DSE: variants seen among roughly 807,000 people sequenced by gnomAD.
DSE encodes the protein dermatan-sulfate epimerase.
DSE carries 36 observed loss-of-function variants against 84.4 expected under a neutral mutation model. The ratio of observed to expected loss-of-function variants is 0.43; its 90% CI spans 0.33 to 0.56. DSE has a LOEUF of 0.56. DSE is among the 20% of genes least tolerant of loss of function. The pLI is 0.06. For missense variants in DSE, 862 were observed against 1,169.6 expected, an observed-to-expected ratio of 0.74 and a Z score of 3.84; for synonymous variants, 410 against 430.1, an observed-to-expected ratio of 0.95 and a Z score of 0.58.
chr6:116,286,845 A>G (rs9488885), intron 2 of DSE, among the ~76,000 whole-genome samples: 11,301 of 152,186 alleles, frequency 0.074, 768 homozygotes, highest in African/African-American at 0.18. Context: ...TATAAAAGAA[A>G]AAGGAAAAGC....
chr6:116,303,812 C>T (rs549554179), intron 2 of DSE, among the ~76,000 whole-genome samples: 24 of 152,182 alleles, frequency 1.6e-4, no homozygotes, highest in South Asian at 1.2e-3. Flanking sequence ...TGCCTAGGGA[C>T]AGAAACAAAG....
At chr6:116,409,968 G>A (rs1240062141) in intron 2 of DSE, among the ~76,000 whole-genome samples, 1 of 152,166 alleles carries the variant, frequency 6.6e-6, no homozygotes, top group East Asian at 1.9e-4. Flanking sequence ...TGAAAATTTA[G>A]TGTAGGGAGG....
At chr6:116,375,379 C>A (rs1779862827) in intron 1 of DSE, 1 of 184,070 alleles carries the variant, frequency 5.4e-6, no homozygotes, top group Admixed American at 6.5e-5. Context: ...AAAGAAAAAT[C>A]TTTCTTCCTA....
At chr6:116,375,899 A>G (rs1047885354) in intron 1 of DSE, among the ~76,000 whole-genome samples, 2 of 152,194 alleles carry the variant, frequency 1.3e-5, no homozygotes, top group Non-Finnish European at 2.9e-5. Flanking sequence ...TTTTAGGGGT[A>G]TGGAAATGGA....
At chr6:116,375,346 T>G (rs899323677) in intron 1 of DSE, among the ~76,000 whole-genome samples, 1 of 152,172 alleles carries the variant, frequency 6.6e-6, no homozygotes, top group Non-Finnish European at 1.5e-5. Context: ...GGATAGTATG[T>G]TTAATTGAAA....
chr6:116,322,850 T>G (rs1328181425), intron 2 of DSE, among the ~76,000 whole-genome samples: 1 of 152,174 alleles, frequency 6.6e-6, no homozygotes, highest in Non-Finnish European at 1.5e-5. Context: ...TAGAAGAGAC[T>G]GCAGAATAAT....
intron 2 of DSE, among the ~76,000 whole-genome samples, chr6:116,324,255 G>GTGGGCAGA (rs1304423842): frequency 6.6e-6 from 1 of 152,184 alleles, no homozygotes; most frequent in Non-Finnish European, 1.5e-5. Flanking sequence ...CCATTGGCAG[G>GTGGGCAGA]TGGGCAGATT....
At chr6:116,265,908 T>G (rs1294522944) in intron 2 of DSE, among the ~76,000 whole-genome samples, 1 of 152,178 alleles carries the variant, frequency 6.6e-6, no homozygotes, top group Admixed American at 6.5e-5. Context: ...ATCAGATGGC[T>G]TGCTGCCCCT....
At chr6:116,364,185 T>C (rs986616445) in intron 2 of DSE, among the ~76,000 whole-genome samples, 10 of 152,234 alleles carry the variant, frequency 6.6e-5, no homozygotes, top group Admixed American at 1.3e-4. Context: ...TAAACTGTTG[T>C]TGGGTTTTTA....
intron 1 of DSE, among the ~76,000 whole-genome samples, chr6:116,383,329 A>T (rs1246679897): frequency 6.6e-6 from 1 of 152,058 alleles, no homozygotes; most frequent in Non-Finnish European, 1.5e-5. Context: ...AGCTAGGGGG[A>T]CTCAGGCTGT....
chr6:116,395,703 C>T (rs1454355466), intron 1 of DSE, among the ~76,000 whole-genome samples: 1 of 152,080 alleles, frequency 6.6e-6, no homozygotes, highest in Non-Finnish European at 1.5e-5. Flanking sequence ...AACGTAAAGC[C>T]TGTCCATTTT....
intron 1 of DSE, among the ~76,000 whole-genome samples, chr6:116,392,744 T>C (rs1244303585): frequency 1.3e-5 from 2 of 152,194 alleles, no homozygotes; most frequent in Non-Finnish European, 2.9e-5. Flanking sequence ...TTGTTCTGAT[T>C]CTTTACTTGT....
intron 2 of DSE, chr6:116,279,735 C>G: frequency 6.2e-7 from 1 of 1,611,874 alleles, no homozygotes; most frequent in Non-Finnish European, 8.5e-7. Context: ...GCCTCAGGTA[C>G]TGGTGTGCGT....
chr6:116,356,902 C>T (rs1282031907), intron 2 of DSE, among the ~76,000 whole-genome samples: 1 of 152,212 alleles, frequency 6.6e-6, no homozygotes, highest in Non-Finnish European at 1.5e-5. Flanking sequence ...GTTTGCATAA[C>T]TAATGCGTCC....
In DSE at chr6:116,437,421, A is replaced by G; in HGVS notation, c.*76A>G. 8.3e-6 allele frequency: 11 copies of G among 1,327,700 alleles called. No homozygotes were observed. Among genetic ancestry groups the G allele is most frequent in the Non-Finnish European group, 1.0e-5 (10 of 997,816 alleles). 82.2% of individuals were successfully genotyped at this position (1,327,700 alleles called of 1,614,324 possible). A position where few individuals can be genotyped will look rare whatever the true frequency, so the allele number is the denominator to read the frequency against. ...AAAAAAAAAAATTTCTTTACCCCAG[A>G]TTATCAGATTTTTTTCCCTCAGATT... On this transcript the variant is annotated 3_prime_UTR_variant, in exon 6 of 6. Coordinates refer to ENST00000644252, the MANE Select transcript of DSE (RefSeq NM_013352.4).
At chr6:116,280,898 G>A (rs1486432791) in intron 2 of DSE, among the ~76,000 whole-genome samples, 1 of 152,210 alleles carries the variant, frequency 6.6e-6, no homozygotes, top group African/African-American at 2.4e-5. Flanking sequence ...GTGGACTCAA[G>A]GTATAAAAGA....
intron 2 of DSE, among the ~76,000 whole-genome samples, chr6:116,284,086 T>C (rs1773718584): frequency 6.6e-6 from 1 of 152,154 alleles, no homozygotes; most frequent in South Asian, 2.1e-4. Flanking sequence ...TCTTTTCTAA[T>C]ACAGTTCTAT....
rs117584004 is a variant in DSE, at chr6:116,319,448, G to C, written c.-54+60481G>C. 3.3e-4 allele frequency among the ~76,000 whole-genome samples: 50 copies of C among 152,332 alleles called. 2 individuals are homozygous for C. The East Asian group carries it at 9.2e-3, about 28-fold the overall frequency. ...GCTATAGGGAATGAGGAAATATGGT[G>C]AATCTAACACTGGCCCTTGAAGCCT... On this transcript the variant is annotated intron_variant, in intron 2 of 3. Transcript: ENST00000430252.
In DSE at chr6:116,297,075, G is replaced by T. The variant is rs529795628; in HGVS notation, c.-54+38108G>T. 1.6e-4 allele frequency among the ~76,000 whole-genome samples: 24 copies of T among 152,206 alleles called. No homozygotes were observed. The South Asian group carries it at 5.0e-3, about 32-fold the overall frequency. On this transcript the variant is annotated intron_variant, in intron 2 of 3. Transcript: ENST00000430252. ...GTGGTAAGACTCAGAATATGATTTG[G>T]GTAGGCAAAGTATAGTGGAGATGTT... is the stretch of plus-strand genomic sequence containing the variant.
Sources: allele counts gnomAD v4.1 joint callset (sites outside exome capture counted in the v4.1 genomes callset), GRCh38; gene constraint gnomAD v4.1.1; transcripts MANE v1.5; gene names NCBI Gene and HGNC (gene_info 2026-07-23, HGNC 2026-07-21).